The following PIGF variants were observed in gnomAD, a reference collection of about 807,000 sequenced individuals.
PIGF encodes phosphatidylinositol glycan anchor biosynthesis class F.
A neutral mutation model predicts 26.0 loss-of-function variants in PIGF; 23 were observed. The observed-to-expected ratio is 0.88, with a 90% CI of 0.64 to 1.25. The LOEUF (loss-of-function observed/expected upper bound fraction) is 1.25. PIGF is among the 50% of genes most tolerant of loss of function. The probability of loss-of-function intolerance (pLI) is 0.00; values close to 1 mark genes in which losing one functional copy is unlikely to be tolerated. For missense variants in PIGF, 278 were observed against 249.9 expected, an observed-to-expected ratio of 1.11 and a Z score of -0.76; for synonymous variants, 93 against 92.6, an observed-to-expected ratio of 1.00 and a Z score of -0.03.
chr2:46,598,155 A>C (rs1462770914), intron 4 of PIGF, among the ~76,000 whole-genome samples: 1 of 151,890 alleles, frequency 6.6e-6, no homozygotes, highest in Non-Finnish European at 1.5e-5. Context: ...TTTATTCCCC[A>C]AAAGTTTTCT....
chr2:46,595,942 C>T (rs532379130), intron 4 of PIGF, among the ~76,000 whole-genome samples: 19 of 152,244 alleles, frequency 1.2e-4, no homozygotes, highest in Admixed American at 7.9e-4. Flanking sequence ...TGGCTGGGTG[C>T]GGTGGCTCTC....
chr2:46,594,907 A>G (rs1011349161), intron 4 of PIGF, among the ~76,000 whole-genome samples: 1 of 151,382 alleles, frequency 6.6e-6, no homozygotes, highest in African/African-American at 2.4e-5. Context: ...CTGGAATGCA[A>G]TGGCGCAACC....
At chr2:46,584,919 TA>T (rs1222096034) in intron 5 of PIGF, among the ~76,000 whole-genome samples, 1 of 152,218 alleles carries the variant, frequency 6.6e-6, no homozygotes, top group Non-Finnish European at 1.5e-5. Context: ...ATAATTATTC[TA>T]AAAATTTTTA....
At chr2:46,607,932 A>G (rs1683649654) in intron 4 of PIGF, among the ~76,000 whole-genome samples, 1 of 152,164 alleles carries the variant, frequency 6.6e-6, no homozygotes. Flanking sequence ...TCCTGACCTC[A>G]AGTGATCTGC....
intron 4 of PIGF, among the ~76,000 whole-genome samples, chr2:46,602,753 AATTATT>A (rs1670098545): frequency 6.6e-6 from 1 of 151,934 alleles, no homozygotes; most frequent in Non-Finnish European, 1.5e-5. Context: ...TTCTGTTCTA[AATTATT>A]ATTGAGTAGG....
At chr2:46,604,070 C>T (rs2104114338) in intron 4 of PIGF, among the ~76,000 whole-genome samples, 1 of 151,990 alleles carries the variant, frequency 6.6e-6, no homozygotes, top group African/African-American at 2.4e-5. Flanking sequence ...ATAGACATTT[C>T]TCAAAAAAAG....
chr2:46,614,940 G>A lies in PIGF; in HGVS notation c.225C>T (p.His75=). ...GTTATTGAGACATAAGCCTTACCTT[G>A]TGTGATAATGAACTTCTTTTAGAGG... is the stretch of plus-strand genomic sequence containing the variant. ...NTSSKRSSLS[H]KVTGFLKCCI... The change falls in exon 2 of 6, where the codon CAC becomes CAT. Residue 75 remains histidine (H), a synonymous_variant. Coordinates refer to ENST00000281382, the MANE Select transcript of PIGF (RefSeq NM_002643.4). 1 of 1,388,646 alleles carries A rather than the reference G, an allele frequency of 7.2e-7. No individual in the cohort carries two copies. Among genetic ancestry groups the A allele is most frequent in the South Asian group, 1.2e-5 (1 of 86,370 alleles). 86.0% of individuals were successfully genotyped at this position (1,388,646 alleles called of 1,614,324 possible).
intron 5 of PIGF, among the ~76,000 whole-genome samples, chr2:46,584,644 T>A (rs866403322): frequency 3.3e-5 from 5 of 152,312 alleles, no homozygotes; most frequent in Middle Eastern, 3.4e-3. Context: ...AAGAAGTGCA[T>A]GCCATCAGCA....
intron 4 of PIGF, among the ~76,000 whole-genome samples, chr2:46,596,077 A>G (rs1669874296): frequency 6.6e-6 from 1 of 151,958 alleles, no homozygotes; most frequent in Non-Finnish European, 1.5e-5. Context: ...AGCTGGGCGC[A>G]GCGTCAGGCA....
At chr2:46,592,979 A>G (rs1669768411) in intron 4 of PIGF, among the ~76,000 whole-genome samples, 1 of 152,248 alleles carries the variant, frequency 6.6e-6, no homozygotes, top group South Asian at 2.1e-4. Context: ...GGATATATGT[A>G]CATTTGCATA....
chr2:46,603,746 T>C (rs1233588791), intron 4 of PIGF, among the ~76,000 whole-genome samples: 3 of 151,998 alleles, frequency 2.0e-5, no homozygotes, highest in Non-Finnish European at 2.9e-5. Context: ...CCACAAACTA[T>C]GAAACTACTA....
intron 5 of PIGF, chr2:46,582,977 T>C (rs997954476): frequency 6.6e-6 from 1 of 152,200 alleles, no homozygotes; most frequent in African/African-American, 2.4e-5. Context: ...TGGAATCTTA[T>C]GTAACTTTCT....
At chr2:46,581,820 G>A (rs547516178) in intron 5 of PIGF, 16 of 462,970 alleles carry the variant, frequency 3.5e-5, no homozygotes, top group Middle Eastern at 1.5e-3. Context: ...TTAGTTTGAC[G>A]CTCCCCAAAG....
At chr2:46,613,899 G>A (rs912702719) in intron 2 of PIGF, 114 bp from the exon 3 acceptor site, 2 of 863,256 alleles carry the variant, frequency 2.3e-6, no homozygotes, top group East Asian at 5.5e-5. Flanking sequence ...CAGTTCAAAT[G>A]TTCTTGGGTA....
At chr2:46,591,313 G>C (rs1254321627) in intron 5 of PIGF, 1 of 153,474 alleles carries the variant, frequency 6.5e-6, no homozygotes. Context: ...GGCATGGAGA[G>C]AGACAGCTGC....
At chr2:46,613,378 C>T (rs536516834) in intron 3 of PIGF, among the ~76,000 whole-genome samples, 172 of 152,210 alleles carry the variant, frequency 1.1e-3, no homozygotes, top group African/African-American at 4.1e-3. Context: ...CTAATTATAA[C>T]TTACACATAT....
At chr2:46,603,376 G>T (rs1670120476) in intron 4 of PIGF, among the ~76,000 whole-genome samples, 1 of 151,832 alleles carries the variant, frequency 6.6e-6, no homozygotes, top group African/African-American at 2.4e-5. Context: ...AATTTATATG[G>T]AACCACAAAG....
chr2:46,605,846 T>G (rs1267690185), intron 4 of PIGF, among the ~76,000 whole-genome samples: 1 of 152,290 alleles, frequency 6.6e-6, no homozygotes, highest in Non-Finnish European at 1.5e-5. Flanking sequence ...AGTATCTCAC[T>G]AGATTGCTCT....
rs771982068 is a variant in PIGF at position 46,614,962 on chromosome 2, G to C, written c.203C>G (p.Ser68Cys). 3.8e-6 allele frequency: 6 copies of C among 1,565,832 alleles called. No homozygotes were observed. The East Asian group carries it at 1.3e-4, about 35-fold the overall frequency. Reference sequence around the variant, plus strand: ...CTTGTGTGATAATGAACTTCTTTTAGAGGATGTATTTGGTTTCACTACTAA... The same window carrying C: ...CTTGTGTGATAATGAACTTCTTTTACAGGATGTATTTGGTTTCACTACTAA... ...LYLVVKPNTS[S>C]KRSSLSHKVT... The change falls in exon 2 of 6, where the codon TCT (serine) becomes TGT (cysteine). Residue 68 changes from serine (S) to cysteine (C), a missense_variant. Ser to Cys is a moderately radical substitution (Grantham distance 112). Coordinates refer to ENST00000281382, the MANE Select transcript of PIGF (RefSeq NM_002643.4).
Sources: gnomAD v4.1 joint callset for allele counts (sites outside exome capture counted in the v4.1 genomes callset) on GRCh38, gnomAD v4.1.1 for gene constraint, MANE v1.5 for transcripts, NCBI Gene and HGNC (gene_info 2026-07-23, HGNC 2026-07-21) for gene names.